The following DRC3 variants were observed in gnomAD, a reference collection of about 807,000 sequenced individuals.
The protein encoded by DRC3 is leucine rich repeat containing 48.
DRC3 carries 45 observed loss-of-function variants against 57.6 expected under a neutral mutation model. The ratio of observed to expected loss-of-function variants is 0.78; its 90% CI spans 0.62 to 1.00. The LOEUF is 1.00. Ranked by LOEUF, DRC3 falls within the 50% of genes least tolerant of loss-of-function variation. The probability of loss-of-function intolerance (pLI) is 0.00; values close to 1 mark genes in which losing one functional copy is unlikely to be tolerated. For synonymous variants in DRC3, 257 were observed against 272.3 expected (o/e 0.94, Z 0.55); for missense variants, 655 against 675.2 (o/e 0.97, Z 0.33).
At chr17:17,995,246 A>G (rs982307102) in intron 8 of DRC3, 135 bp downstream of exon 8, 1 of 640,086 alleles carries the variant, frequency 1.6e-6, no homozygotes, top group Non-Finnish European at 2.8e-6. Context: ...CTTGAGAGCA[A>G]TGTACCCAAC....
At position 17,988,000 on chromosome 17, in the gene DRC3, T is replaced by G; in HGVS notation, c.346T>G (p.Leu116Val). The part of the protein sequence containing the change: ...DTLVNLEDLS[L>V]FNNRISKIDS... ...ACTGGTGAACCTGGAGGACCTGAGC[T>G]TGTTCAACAACCGGATCTCCAAGAT... The change falls in exon 5 of 14, where the codon TTG (leucine) becomes GTG (valine). Residue 116 changes from leucine (L) to valine (V), a missense_variant. Physicochemically the swap from Leu to Val is conservative, Grantham distance 32. Coordinates refer to ENST00000399187, the MANE Select transcript of DRC3 (RefSeq NM_031294.4). The G allele has an allele frequency of 1.2e-6, 2 of 1,614,010 alleles. No homozygotes were observed. Among genetic ancestry groups the G allele is most frequent in the Non-Finnish European group, 1.7e-6 (2 of 1,179,894 alleles).
chr17:17,989,012 G>T (rs566990010), intron 5 of DRC3, among the ~76,000 whole-genome samples: 20 of 152,292 alleles, frequency 1.3e-4, no homozygotes, highest in African/African-American at 4.8e-4. Flanking sequence ...AATCAAGTGG[G>T]ATCATGAATG....
At chr17:17,991,874 C>T (rs537337013) in intron 5 of DRC3, among the ~76,000 whole-genome samples, 2 of 152,306 alleles carry the variant, frequency 1.3e-5, no homozygotes, top group Admixed American at 1.3e-4. Context: ...GGTGCAGTGG[C>T]TCACGCCTGT....
At position 18,008,794 on chromosome 17, in the gene DRC3, C is replaced by T. The variant is rs980672307; in HGVS notation, c.1326+1647C>T. ...AGTGCCCAGTTTGGAATTCCCCAGA[C>T]AGACCATCTTGGGGTGGGTGGAGAT... On this transcript the variant is annotated intron_variant, in intron 12 of 13. Transcript: ENST00000399187. This position sits in a 1 kb window ranked among gnomAD's most constrained non-coding sequence, Gnocchi z 4.3. 3.9e-5 allele frequency among the ~76,000 whole-genome samples: 6 copies of T among 152,252 alleles called. No individual in the cohort carries two copies. The highest frequency in any genetic ancestry group is 1.4e-4 in the African/African-American group (6 of 41,468).
chr17:17,983,799 G>A, intron 3 of DRC3, 29 bp from the exon 4 acceptor site: 1 of 1,535,938 alleles, frequency 6.5e-7, no homozygotes, highest in South Asian at 1.1e-5. Flanking sequence ...ACCCTAACCT[G>A]AGACTGAAAT....
intron 10 of DRC3, chr17:18,005,971 A>G: frequency 3.6e-6 from 2 of 562,582 alleles, no homozygotes; most frequent in Admixed American, 6.0e-5. Flanking sequence ...AAACATTCAG[A>G]TGGTGAGGGA....
At position 18,004,493 on chromosome 17, in the gene DRC3, A is replaced by G; in HGVS notation, c.1130A>G (p.Glu377Gly). 1 of 1,610,020 alleles carries G rather than the reference A, an allele frequency of 6.2e-7. No individual in the cohort carries two copies. Among genetic ancestry groups the G allele is most frequent in the South Asian group, 1.1e-5 (1 of 89,944 alleles). ...TLEMQLVEQL[E>G]ETINMFERNI... ...GAGATGCAGCTGGTGGAGCAGCTGGAGGTAAGGCTGGGCCCTGGGCACAAG... is the reference window on the plus strand; with the variant it reads ...GAGATGCAGCTGGTGGAGCAGCTGGGGGTAAGGCTGGGCCCTGGGCACAAG... The change falls in exon 10 of 14, where the codon GAG (glutamate) becomes GGG (glycine). Residue 377 changes from glutamate to glycine, a missense_variant and splice_region_variant. Coordinates refer to ENST00000399187, the MANE Select transcript of DRC3 (RefSeq NM_031294.4).
chr17:18,006,966 G>C, intron 11 of DRC3, 58 bp from the exon 12 acceptor site: 3 of 1,606,346 alleles, frequency 1.9e-6, no homozygotes, highest in Admixed American at 1.7e-5. Flanking sequence ...CCGTCTGAGA[G>C]CATCAGGGAC....
At chr17:17,987,718 G>A (rs1228732241) in intron 4 of DRC3, among the ~76,000 whole-genome samples, 6 of 152,128 alleles carry the variant, frequency 3.9e-5, no homozygotes, top group Middle Eastern at 3.2e-3. Flanking sequence ...GATGATTGGC[G>A]GAACTGGAGA....
intron 9 of DRC3, among the ~76,000 whole-genome samples, chr17:18,003,326 T>C (rs1043167016): frequency 6.6e-6 from 1 of 150,536 alleles, no homozygotes; most frequent in African/African-American, 2.4e-5. Flanking sequence ...CTACTAAAAA[T>C]ACAAAAAAAA....
chr17:17,992,055 G>T (rs935871123), intron 5 of DRC3, among the ~76,000 whole-genome samples: 1 of 152,136 alleles, frequency 6.6e-6, no homozygotes, highest in African/African-American at 2.4e-5. Context: ...CTGGTGGATC[G>T]CTTGAGCCTA....
rs1053344800 is a variant in DRC3, at chr17:17,987,789, A to G, written c.278-143A>G. 5 of 764,724 alleles carry G rather than the reference A, an allele frequency of 6.5e-6. No individual in the cohort carries two copies. The African/African-American group carries it at 7.1e-5, about 11-fold the overall frequency. 47.4% of individuals were successfully genotyped at this position (764,724 alleles called of 1,614,324 possible). The stretch of plus-strand genomic sequence containing the variant: ...ACACCTGGCTTCTAAAAAAATCACA[A>G]ACTATTAGACAGTGAGTCAAATTCT... On this transcript the variant is annotated intron_variant, in intron 4 of 13. Transcript: ENST00000399187.
chr17:17,975,149 A>T (rs2042320720), intron 2 of DRC3, among the ~76,000 whole-genome samples: 2 of 152,022 alleles, frequency 1.3e-5, no homozygotes, highest in Non-Finnish European at 2.9e-5. Flanking sequence ...ATGAAGTAGG[A>T]GGGATAAGTC....
chr17:17,995,421 CA>C (rs2043419069), intron 8 of DRC3, among the ~76,000 whole-genome samples: 2 of 152,224 alleles, frequency 1.3e-5, no homozygotes, highest in Non-Finnish European at 2.9e-5. Context: ...TAGCCATACT[CA>C]CTTGTTCTTG....
intron 11 of DRC3, 153 bp downstream of exon 11, chr17:18,006,406 CCCAGAGGGACAACAT>C (rs1283320041): frequency 1.3e-5 from 8 of 624,262 alleles, no homozygotes; most frequent in Non-Finnish European, 2.3e-5. Context: ...GGTTTGGATG[CCCAGAGGGACAACAT>C]CCAAACTGTT....
chr17:17,988,088 A>G lies in DRC3; in HGVS notation c.434A>G (p.Asn145Ser). Reference protein sequence around the residue: ...VLSLGNNRIDNMMNIIYLRRF... With the variant: ...VLSLGNNRIDSMMNIIYLRRF... ...TCGCTGGGCAACAACCGGATTGACA[A>G]CATGATGAACGTGAGTGGCCGCCCA... The change falls in exon 5 of 14, where the codon AAC becomes AGC. Residue 145 changes from asparagine (N) to serine (S), a missense_variant. Transcript: ENST00000399187. 1 of 1,613,754 alleles carries G rather than the reference A, an allele frequency of 6.2e-7. No individual in the cohort carries two copies. The highest frequency in any genetic ancestry group is 8.5e-7 in the Non-Finnish European group (1 of 1,179,830).
intron 12 of DRC3, among the ~76,000 whole-genome samples, chr17:18,014,006 C>T (rs2044264672): frequency 6.7e-6 from 1 of 150,278 alleles, no homozygotes; most frequent in African/African-American, 2.5e-5. Context: ...AATCTTGGCT[C>T]ACTGCAACCT....
At chr17:17,990,322 G>A (rs762417095) in intron 5 of DRC3, among the ~76,000 whole-genome samples, 3 of 152,232 alleles carry the variant, frequency 2.0e-5, no homozygotes, top group Non-Finnish European at 4.4e-5. Context: ...AGTTTGCCCT[G>A]CATGCCAGAC....
intron 8 of DRC3, 60 bp from the exon 9 acceptor site, chr17:17,997,400 G>A (rs1568504193): frequency 6.5e-7 from 1 of 1,545,720 alleles, no homozygotes; most frequent in East Asian, 2.3e-5. Flanking sequence ...CCAACACCTT[G>A]GCCGTGCCCT....
Sources: gnomAD v4.1 joint callset for allele counts (sites outside exome capture counted in the v4.1 genomes callset) on GRCh38, gnomAD v4.1.1 for gene constraint, Gnocchi (gnomAD v3.1) non-coding constraint, MANE v1.5 for transcripts, NCBI Gene and HGNC (gene_info 2026-07-23, HGNC 2026-07-21) for gene names.